Variants in SPTBN1 observed in about 807,000 individuals in gnomAD.
SPTBN1 encodes the protein spectrin beta, non-erythrocytic 1.
In SPTBN1, 32 loss-of-function variants were observed where a neutral mutation model predicts 266.4. The observed-to-expected ratio is 0.12, with a 90% CI of 0.09 to 0.16. The LOEUF (loss-of-function observed/expected upper bound fraction) is 0.16. SPTBN1 is among the 10% of genes least tolerant of loss of function. The pLI is 1.00. For synonymous variants in SPTBN1, 1,336 were observed against 1,162.2 expected, an observed-to-expected ratio of 1.15 and a Z score of -3.04; for missense variants, 2,296 against 3,067.1, an observed-to-expected ratio of 0.75 and a Z score of 5.94.
chr2:54,471,366 A>G (rs28441070), intron 1 of SPTBN1, among the ~76,000 whole-genome samples: 5,351 of 152,284 alleles, frequency 0.035, 135 homozygotes, highest in South Asian at 0.11. Flanking sequence ...TTTGGGCAGT[A>G]AGGCATGACA....
chr2:54,655,815 G>T, intron 28 of SPTBN1, 99 bp from the exon 29 acceptor site: 1 of 840,562 alleles, frequency 1.2e-6, no homozygotes, highest in Non-Finnish European at 1.9e-6. Context: ...CTTAATGGTG[G>T]TCTTTGCAGA....
At chr2:54,644,654 T>C in intron 20 of SPTBN1, 68 bp downstream of exon 20, 1 of 1,521,482 alleles carries the variant, frequency 6.6e-7, no homozygotes, top group Non-Finnish European at 8.8e-7. Flanking sequence ...TAGAGTCTTT[T>C]CTCACCCACT....
In SPTBN1 at chr2:54,529,534, G is replaced by A. The variant is rs1170071033; in HGVS notation, c.148+2968G>A. 11 of 712,420 alleles carry A rather than the reference G, an allele frequency of 1.5e-5. No homozygotes were observed. The East Asian group carries it at 2.6e-4, about 17-fold the overall frequency. 44.1% of individuals were successfully genotyped at this position (712,420 alleles called of 1,614,324 possible). On this transcript the variant is annotated intron_variant, in intron 2 of 35. Transcript: ENST00000356805. ...GGAGGCCGCCCAGATATCCTCGGAA[G>A]ACCACCCCCAGGAGAAACAAGCTTG...
At chr2:54,615,127 A>C (rs1279398069) in intron 4 of SPTBN1, among the ~76,000 whole-genome samples, 2 of 65,554 alleles carry the variant, frequency 3.1e-5, no homozygotes, top group Non-Finnish European at 2.8e-5. Flanking sequence ...ACACAATTAA[A>C]AATAGAGAAT....
At chr2:54,576,579 C>T (rs906800726) in intron 2 of SPTBN1, among the ~76,000 whole-genome samples, 1 of 152,188 alleles carries the variant, frequency 6.6e-6, no homozygotes, top group Admixed American at 6.5e-5. Flanking sequence ...TGCGCCACAG[C>T]TGCCTGGCTG....
At chr2:54,609,811 C>A (rs144620311) in intron 3 of SPTBN1, among the ~76,000 whole-genome samples, 1 of 152,214 alleles carries the variant, frequency 6.6e-6, no homozygotes, top group Non-Finnish European at 1.5e-5. Context: ...ATTCAGAAAA[C>A]CGGTTGTCAT....
intron 1 of SPTBN1, among the ~76,000 whole-genome samples, chr2:54,457,840 C>T (rs958529977): frequency 6.6e-6 from 1 of 152,190 alleles, no homozygotes; most frequent in Non-Finnish European, 1.5e-5. Context: ...TTGGGATGAT[C>T]CCTCCTGCAC....
intron 2 of SPTBN1, among the ~76,000 whole-genome samples, chr2:54,589,361 G>T (rs1464674099): frequency 6.6e-6 from 1 of 152,152 alleles, no homozygotes; most frequent in African/African-American, 2.4e-5. Context: ...CAGAAGTTGT[G>T]CCTGCAGTGC....
chr2:54,650,169 C>G (rs955559662), intron 26 of SPTBN1, among the ~76,000 whole-genome samples, 180 bp downstream of exon 26: 5 of 152,188 alleles, frequency 3.3e-5, no homozygotes, highest in Non-Finnish European at 5.9e-5. Flanking sequence ...CCATAAAGGT[C>G]TACGTTTGCC....
rs569542601 is a variant in SPTBN1 at position 54,461,129 on chromosome 2, A to G, written c.-48+4611A>G. ...ACAACCCATATCCTTGATTTTGTGC[A>G]TATCATTCCCTTCTCTATGGTTTAT... On this transcript the variant is annotated intron_variant, in intron 1 of 35. Transcript: ENST00000356805. Among the ~76,000 whole-genome samples, 5 of 152,312 alleles carry G rather than the reference A, an allele frequency of 3.3e-5. No individual in the cohort carries two copies. In the East Asian group the frequency reaches 7.7e-4, roughly 23 times the overall value.
At chr2:54,520,719 C>G (rs1205028714) in intron 1 of SPTBN1, among the ~76,000 whole-genome samples, 1 of 137,400 alleles carries the variant, frequency 7.3e-6, no homozygotes. Flanking sequence ...ACTTTCCTAT[C>G]TTTTTGAAAC....
In SPTBN1 at chr2:54,588,055, G is replaced by A. The variant is rs767156295; in HGVS notation, c.149-11037G>A. 1.1e-3 allele frequency among the ~76,000 whole-genome samples: 166 copies of A among 152,310 alleles called. No individual in the cohort carries two copies. The Middle Eastern group carries it at 0.014, about 12-fold the overall frequency. On this transcript the variant is annotated intron_variant, in intron 2 of 35. Transcript: ENST00000356805. ...TGAAGTGGAGTCTAACAAATGGGAT[G>A]TGGGATCAACAGTATTATTATATTG...
intron 2 of SPTBN1, among the ~76,000 whole-genome samples, chr2:54,578,470 T>A (rs12713267): frequency 1.3e-5 from 2 of 151,834 alleles, no homozygotes; most frequent in African/African-American, 4.9e-5. Flanking sequence ...CTGCTGCTGC[T>A]GCTGCTGCCA....
intron 1 of SPTBN1, among the ~76,000 whole-genome samples, chr2:54,463,308 G>T (rs763520577): frequency 6.6e-6 from 1 of 152,232 alleles, no homozygotes; most frequent in Non-Finnish European, 1.5e-5. Context: ...GTTTGGTGAT[G>T]ATGACAAATA....
At chr2:54,658,136 C>A in intron 30 of SPTBN1, 90 bp downstream of exon 30, 1 of 1,474,176 alleles carries the variant, frequency 6.8e-7, no homozygotes. Context: ...CACACGATTG[C>A]TTGTTTTTGT....
chr2:54,546,378 G>C (rs1220221070), intron 2 of SPTBN1: 1 of 152,158 alleles, frequency 6.6e-6, no homozygotes, highest in African/African-American at 2.4e-5. Context: ...AGAAAAACTT[G>C]TCTGATATCT....
chr2:54,558,878 C>T lies in SPTBN1; in HGVS notation c.148+32312C>T. 1 of 1,613,496 alleles carries T rather than the reference C, an allele frequency of 6.2e-7. No individual in the cohort carries two copies. Among genetic ancestry groups the T allele is most frequent in the Non-Finnish European group, 8.5e-7 (1 of 1,179,638 alleles). The stretch of plus-strand genomic sequence containing the variant: ...CAACCAGCTGGAAGGCAGATTCAAG[C>T]AGCTGCAAGGTAAGCCCCCTCCCAA... On this transcript the variant is annotated intron_variant, in intron 2 of 35. Coordinates refer to ENST00000356805, the MANE Select transcript of SPTBN1 (RefSeq NM_003128.3). The surrounding 1 kb of genome is among the most constrained non-coding windows in gnomAD (Gnocchi z 4.6).
chr2:54,503,921 C>G (rs1438644945), intron 1 of SPTBN1, among the ~76,000 whole-genome samples: 1 of 152,142 alleles, frequency 6.6e-6, no homozygotes, highest in East Asian at 1.9e-4. Context: ...TTAAAACAGC[C>G]ATAACAAACC....
intron 2 of SPTBN1, chr2:54,529,852 CAAAAAAAAAAAAAAAA>C (rs61316795): frequency 5.1e-3 from 315 of 62,100 alleles, no homozygotes; most frequent in South Asian, 9.7e-3. Flanking sequence ...CTCTTTTCAC[CAAAAAAAAAAAAAAAA>C]AAAAAAAAAA....
Sources: allele counts gnomAD v4.1 joint callset (sites outside exome capture counted in the v4.1 genomes callset), GRCh38; gene constraint gnomAD v4.1.1; non-coding constraint Gnocchi (gnomAD v3.1); transcripts MANE v1.5; gene names NCBI Gene and HGNC (gene_info 2026-07-23, HGNC 2026-07-21).